The following ZNF878 variants were observed in gnomAD, a reference collection of about 807,000 sequenced individuals.
ZNF878 encodes zinc finger protein 878.
ZNF878 carries 10 observed loss-of-function variants against 11.1 expected under a neutral mutation model. The observed-to-expected ratio is 0.90, with a 90% CI of 0.56 to 1.53. ZNF878 has a LOEUF of 1.53. Ranked by LOEUF, ZNF878 falls within the 40% of genes most tolerant of loss-of-function variation. The probability of loss-of-function intolerance (pLI) is 0.00; values close to 1 mark genes in which losing one functional copy is unlikely to be tolerated. For synonymous variants in ZNF878, 165 were observed against 209.7 expected (o/e 0.79, Z 1.84); for missense variants, 548 against 626.1 (o/e 0.88, Z 1.33).
rs576088086 is a variant in ZNF878 at position 12,047,548 on chromosome 19, A to G, written c.4-788T>C. Among the ~76,000 whole-genome samples, 11 of 151,506 alleles carry G rather than the reference A, an allele frequency of 7.3e-5. No individual in the cohort carries two copies. In the East Asian group the frequency reaches 1.9e-3, roughly 27 times the overall value. ...CACCACACTCCAGCCTGGGTGACAG[A>G]GCCAGACTCCATCGGTTAAAAAAAA... On this transcript the variant is annotated intron_variant, in intron 1 of 3. Coordinates refer to ENST00000547628, the MANE Select transcript of ZNF878 (RefSeq NM_001080404.3).
At position 12,049,741 on chromosome 19, in the gene ZNF878, G is replaced by A. The variant is rs1975533088; in HGVS notation, c.4-2981C>T. Among the ~76,000 whole-genome samples the A allele has an allele frequency of 2.0e-5, 3 of 151,512 alleles. No homozygotes were observed. The South Asian group carries it at 6.2e-4, about 32-fold the overall frequency. On this transcript the variant is annotated intron_variant, in intron 1 of 3. Transcript: ENST00000547628. ...GCTGAACTCACGCCATTGTACTCCAGCTTGGGCAACAAGAGCGAAACTCCA... is the reference window on the plus strand; with the variant it reads ...GCTGAACTCACGCCATTGTACTCCAACTTGGGCAACAAGAGCGAAACTCCA...
In ZNF878 at chr19:12,045,037, T is replaced by C; in HGVS notation, c.364A>G (p.Arg122Gly). Residue 122 changes from arginine to glycine, a missense_variant, in exon 4 of 4, where the codon AGA becomes GGA. Arg to Gly is a moderately radical substitution (Grantham distance 125). Coordinates refer to ENST00000547628, the MANE Select transcript of ZNF878 (RefSeq NM_001080404.3). ...IGLSSLNRHL[R>G]AFSYSSSLAI... ...AGGCTACTGGAATAACTAAAGGCTC[T>C]GAGGTGCCTATTAAGGGATGAAAGA... is the stretch of plus-strand genomic sequence containing the variant. 6.2e-7 allele frequency: 1 copy of C among 1,614,120 alleles called. No homozygotes were observed. Among genetic ancestry groups the C allele is most frequent in the Non-Finnish European group, 8.5e-7 (1 of 1,180,010 alleles).
At chr19:12,045,986 T>C (rs561145987) in intron 3 of ZNF878, 34 of 164,810 alleles carry the variant, frequency 2.1e-4, no homozygotes, top group Admixed American at 2.4e-4. Flanking sequence ...TCCAAAGTGC[T>C]GGGATTACAG....
intron 1 of ZNF878, among the ~76,000 whole-genome samples, chr19:12,048,424 A>G (rs1308242587): frequency 6.6e-6 from 1 of 151,784 alleles, no homozygotes; most frequent in Admixed American, 6.6e-5. Flanking sequence ...AGGCTGAGGT[A>G]GGAGAATGGC....
intron 1 of ZNF878, 66 bp downstream of exon 1, chr19:12,052,733 C>A (rs558348128): frequency 6.5e-7 from 1 of 1,530,750 alleles, no homozygotes; most frequent in Non-Finnish European, 8.7e-7. Context: ...CCCGCCACAG[C>A]GGGTTCCTCT....
Position 12,044,835 on chromosome 19 carries a change from T to C in ZNF878, c.566A>G (p.His189Arg). 5 of 1,614,174 alleles carry C rather than the reference T, an allele frequency of 3.1e-6. No individual in the cohort carries two copies. The highest frequency in any genetic ancestry group is 4.2e-6 in the Non-Finnish European group (5 of 1,180,016). Reference sequence around the variant, plus strand: ...TTTTTTTGCAGAGTGGATTCTTTCATGTCTACGAACAGAACTGGGAAAACT... The same window carrying C: ...TTTTTTTGCAGAGTGGATTCTTTCACGTCTACGAACAGAACTGGGAAAACT... ...AFSFPSSVRRHERIHSAKKPY... is the reference protein window; with the variant it reads ...AFSFPSSVRRRERIHSAKKPY... Residue 189 changes from histidine (H) to arginine (R), a missense_variant, in exon 4 of 4, where the codon CAT becomes CGT. Transcript: ENST00000547628.
At chr19:12,050,891 G>A (rs1160983486) in intron 1 of ZNF878, among the ~76,000 whole-genome samples, 1 of 150,496 alleles carries the variant, frequency 6.6e-6, no homozygotes, top group African/African-American at 2.4e-5. Context: ...TCAGGAGATC[G>A]AGACCATCCT....
chr19:12,046,495 C>T, intron 2 of ZNF878, 67 bp from the exon 3 acceptor site: 2 of 1,555,882 alleles, frequency 1.3e-6, no homozygotes, highest in Non-Finnish European at 1.8e-6. Flanking sequence ...TTACTTGATT[C>T]TATGTCCATG....
Position 12,044,959 on chromosome 19 carries a change from A to G in ZNF878, c.442T>C (p.Cys148Arg), listed in dbSNP as rs961874900. The G allele has an allele frequency of 6.2e-7, 1 of 1,614,150 alleles. No homozygotes were observed. Among genetic ancestry groups the G allele is most frequent in the East Asian group, 2.2e-5 (1 of 44,870 alleles). ...CTGGGAAACCTGAATGCTTTCCCAC[A>G]TTCCTTACATTCATAAGGCTTTTCC... ...TGEKPYECKE[C>R]GKAFRFPSSV... The change falls in exon 4 of 4, where the codon TGT (cysteine) becomes CGT (arginine). Residue 148 changes from cysteine (C) to arginine (R), a missense_variant. Coordinates refer to ENST00000547628, the MANE Select transcript of ZNF878 (RefSeq NM_001080404.3).
Position 12,043,871 on chromosome 19 carries a change from C to A in ZNF878, c.1530G>T (p.Lys510Asn). The A allele has an allele frequency of 6.2e-7, 1 of 1,614,044 alleles. No homozygotes were observed. Among genetic ancestry groups the A allele is most frequent in the East Asian group, 2.2e-5 (1 of 44,886 alleles). The change falls in exon 4 of 4, where the codon AAG (lysine) becomes AAT (asparagine). Residue 510 changes from lysine (K) to asparagine (N), a missense_variant. Physicochemically the swap from Lys to Asn is moderately conservative, Grantham distance 94. Transcript: ENST00000547628. ...IHTGEKPYEC[K>N]QCGKAFRSAS... The stretch of plus-strand genomic sequence containing the variant: ...CAGATCTAAAGGCTTTACCACATTG[C>A]TTACACTCATAGGGTTTCTCTCCAG...
intron 3 of ZNF878, chr19:12,046,012 T>G (rs1288626624): frequency 5.6e-6 from 1 of 179,312 alleles, no homozygotes; most frequent in East Asian, 1.5e-4. Context: ...AGCCACCATG[T>G]CCAGCTTTTA....
At chr19:12,047,928 T>G (rs983758536) in intron 1 of ZNF878, among the ~76,000 whole-genome samples, 1 of 152,224 alleles carries the variant, frequency 6.6e-6, no homozygotes, top group African/African-American at 2.4e-5. Context: ...TACAACCCAG[T>G]GACTTTTCCC....
chr19:12,052,843 C>T lies in ZNF878; in HGVS notation c.-42G>A, dbSNP rs1357796553. The T allele has an allele frequency of 8.5e-6, 13 of 1,535,738 alleles. No individual in the cohort carries two copies. Among genetic ancestry groups the T allele is most frequent in the East Asian group, 2.4e-5 (1 of 40,928 alleles). On this transcript the variant is annotated 5_prime_UTR_variant, in exon 1 of 4. Coordinates refer to ENST00000547628, the MANE Select transcript of ZNF878 (RefSeq NM_001080404.3). The stretch of plus-strand genomic sequence containing the variant: ...ATTCTGGCGTCCTCTCTAAAGGTCC[C>T]GTGAACAGTGCAGGTCACAGCGCAG...
chr19:12,047,006 G>A (rs1651055232), intron 1 of ZNF878, among the ~76,000 whole-genome samples: 2 of 152,156 alleles, frequency 1.3e-5, no homozygotes, highest in Non-Finnish European at 2.9e-5. Context: ...TGTTTCTGGT[G>A]AGTCCAGGGA....
At position 12,044,304 on chromosome 19, in the gene ZNF878, G is replaced by C. The variant is rs267605285; in HGVS notation, c.1097C>G (p.Pro366Arg). The change falls in exon 4 of 4, where the codon CCC (proline) becomes CGC (arginine). Residue 366 changes from proline to arginine, a missense_variant. Pro to Arg is a moderately radical substitution (Grantham distance 103). Around this residue, in one of 3 missense-constraint regions of ZNF878, gnomAD observed 335 missense variants for 358.2 expected, o/e 0.94. Transcript: ENST00000547628. ...TTTCCCACATTGTTTACATTCAAAGGGTTTCTCTCCAGTGTGTGTCCTTTC... is the reference window on the plus strand; with the variant it reads ...TTTCCCACATTGTTTACATTCAAAGCGTTTCTCTCCAGTGTGTGTCCTTTC... ...IHERTHTGEKPFECKQCGKTF... is the reference protein window; with the variant it reads ...IHERTHTGEKRFECKQCGKTF... 55 of 1,612,764 alleles carry C rather than the reference G, an allele frequency of 3.4e-5. No homozygotes were observed. The African/African-American group carries it at 7.1e-4, about 21-fold the overall frequency.
chr19:12,045,754 G>A (rs111259072), intron 3 of ZNF878, among the ~76,000 whole-genome samples: 14,666 of 151,964 alleles, frequency 0.097, 1,402 homozygotes, highest in African/African-American at 0.25. Flanking sequence ...ATGAGACCAA[G>A]TCTCACTCTG....
chr19:12,051,286 G>A (rs958198168), intron 1 of ZNF878, among the ~76,000 whole-genome samples: 10 of 151,918 alleles, frequency 6.6e-5, no homozygotes, highest in Admixed American at 2.6e-4. Context: ...CAACAAGAGC[G>A]AAACTCCGTC....
chr19:12,046,563 C>T (rs1949354885), intron 2 of ZNF878, 71 bp downstream of exon 2: 1 of 1,602,694 alleles, frequency 6.2e-7, no homozygotes, highest in African/African-American at 1.3e-5. Flanking sequence ...TTCCAAATCA[C>T]TCAACAGCAC....
chr19:12,048,823 ACT>A (rs1263769804), intron 1 of ZNF878, among the ~76,000 whole-genome samples: 10 of 142,894 alleles, frequency 7.0e-5, no homozygotes, highest in African/African-American at 2.8e-4. Context: ...ACAGAGCAAG[ACT>A]CTGTCTCAAA....
Sources: gnomAD v4.1 joint callset for allele counts (sites outside exome capture counted in the v4.1 genomes callset) on GRCh38, gnomAD v4.1.1 for gene constraint, gnomAD v4.1.1 regional missense constraint, MANE v1.5 for transcripts, NCBI Gene and HGNC (gene_info 2026-07-23, HGNC 2026-07-21) for gene names.